SHANK2: variants seen among roughly 807,000 people sequenced by gnomAD.
SHANK2 encodes SH3 and multiple ankyrin repeat domains protein 2.
Under a neutral mutation model 133.7 loss-of-function variants are expected in SHANK2, and 43 were observed. That is an observed-to-expected ratio of 0.32 (90% CI 0.25 to 0.41). The LOEUF (loss-of-function observed/expected upper bound fraction) is 0.41, where lower values mean the gene tolerates loss of function less well. SHANK2 is among the 10% of genes least tolerant of loss of function. SHANK2 has a pLI of 1.00. For missense variants in SHANK2, 1,994 were observed against 2,235.8 expected (o/e 0.89, Z 2.18); for synonymous variants, 1,017 against 952.8 (o/e 1.07, Z -1.24).
intron 8 of SHANK2, among the ~76,000 whole-genome samples, chr11:71,084,542 G>C (rs1247092233): frequency 6.6e-6 from 1 of 152,220 alleles, no homozygotes; most frequent in African/African-American, 2.4e-5. Context: ...CTGGGACAGG[G>C]CTGTCCATTC....
intron 14 of SHANK2, among the ~76,000 whole-genome samples, chr11:70,777,681 C>T (rs1229741953): frequency 6.6e-6 from 1 of 152,232 alleles, no homozygotes; most frequent in African/African-American, 2.4e-5. Flanking sequence ...CAATTGACCC[C>T]ACAAACAGGC....
intron 2 of SHANK2, among the ~76,000 whole-genome samples, chr11:71,148,033 C>A (rs1401382323): frequency 1.3e-5 from 2 of 151,708 alleles, no homozygotes; most frequent in Non-Finnish European, 2.9e-5. Flanking sequence ...AAAATTACCC[C>A]ACAAAGAGTC....
At chr11:71,193,083 A>G (rs1411246802) in intron 2 of SHANK2, among the ~76,000 whole-genome samples, 1 of 152,198 alleles carries the variant, frequency 6.6e-6, no homozygotes, top group Non-Finnish European at 1.5e-5. Context: ...CTTTATTGCC[A>G]TGTTAGATAC....
chr11:71,101,025 C>T (rs1555096557), intron 6 of SHANK2, among the ~76,000 whole-genome samples: 2 of 152,112 alleles, frequency 1.3e-5, no homozygotes, highest in African/African-American at 2.4e-5. Flanking sequence ...GGGTACAGGA[C>T]AAGATGCATC....
At chr11:70,625,955 C>T (rs1554999806) in intron 17 of SHANK2, among the ~76,000 whole-genome samples, 1 of 152,074 alleles carries the variant, frequency 6.6e-6, no homozygotes, top group African/African-American at 2.4e-5. Flanking sequence ...AGTATTAATC[C>T]TCTAAACCTG....
chr11:70,492,315 C>T lies in SHANK2; in HGVS notation c.2439+20G>A. 6.2e-7 allele frequency: 1 copy of T among 1,608,222 alleles called. No homozygotes were observed. The highest frequency in any genetic ancestry group is 8.5e-7 in the Non-Finnish European group (1 of 1,179,842). On this transcript the variant is annotated intron_variant, in intron 22 of 25. Coordinates refer to ENST00000601538, the MANE Select transcript of SHANK2 (RefSeq NM_012309.5). Reference sequence around the variant, plus strand: ...CACCGTCGGCCCCCGCCCTCGTGGTCCCAAGGTACGGCCACTCACGTTCAT... The same window carrying T: ...CACCGTCGGCCCCCGCCCTCGTGGTTCCAAGGTACGGCCACTCACGTTCAT...
At chr11:70,618,641 C>T (rs868925901) in intron 17 of SHANK2, among the ~76,000 whole-genome samples, 11 of 152,236 alleles carry the variant, frequency 7.2e-5, no homozygotes, top group Admixed American at 3.3e-4. Flanking sequence ...CTTGTGAATA[C>T]GGTAATCCAG....
chr11:70,796,042 C>A (rs995270936), intron 14 of SHANK2, among the ~76,000 whole-genome samples: 3 of 152,200 alleles, frequency 2.0e-5, no homozygotes, highest in African/African-American at 4.8e-5. Context: ...AAATAACCTC[C>A]TCCCACAGTA....
intron 10 of SHANK2, among the ~76,000 whole-genome samples, chr11:70,912,692 T>G (rs906344296): frequency 6.6e-6 from 1 of 152,230 alleles, no homozygotes; most frequent in Non-Finnish European, 1.5e-5. Context: ...GGGGCGCTCC[T>G]GCAAGAAACG....
Position 70,488,139 on chromosome 11 carries a change from G to A in SHANK2, c.2573-419C>T, listed in dbSNP as rs1012177501. On this transcript the variant is annotated intron_variant, in intron 24 of 25. Transcript: ENST00000601538. Reference sequence around the variant, plus strand: ...GGCATTGTGGCATTGTGCTTGGGGCGGGGTTGGCTAGACCAGGAGGTATCC... The same window carrying A: ...GGCATTGTGGCATTGTGCTTGGGGCAGGGTTGGCTAGACCAGGAGGTATCC... 6.6e-5 allele frequency among the ~76,000 whole-genome samples: 10 copies of A among 152,340 alleles called. No individual in the cohort carries two copies. In the South Asian group the frequency reaches 1.7e-3, roughly 25 times the overall value.
chr11:70,799,308 A>G (rs1555049974), intron 13 of SHANK2, among the ~76,000 whole-genome samples: 1 of 152,166 alleles, frequency 6.6e-6, no homozygotes, highest in African/African-American at 2.4e-5. Flanking sequence ...AGGCTGAGGC[A>G]GGAGAATCAC....
chr11:70,885,574 C>A (rs1949726048), intron 11 of SHANK2, among the ~76,000 whole-genome samples: 1 of 152,198 alleles, frequency 6.6e-6, no homozygotes, highest in African/African-American at 2.4e-5. Flanking sequence ...AGGGGCTGCG[C>A]AGGAGGCATG....
intron 14 of SHANK2, among the ~76,000 whole-genome samples, chr11:70,729,911 A>T (rs1946250927): frequency 1.3e-5 from 2 of 151,700 alleles, no homozygotes; most frequent in South Asian, 4.2e-4. Context: ...AAAAAAAAAA[A>T]AAAAAAGCCG....
intron 17 of SHANK2, among the ~76,000 whole-genome samples, chr11:70,608,286 C>G (rs190521030): frequency 1.6e-4 from 24 of 152,328 alleles, no homozygotes; most frequent in African/African-American, 5.5e-4. Context: ...AGGGATATTT[C>G]TTTCCTCTTT....
intron 3 of SHANK2, among the ~76,000 whole-genome samples, chr11:71,126,200 G>C (rs1952181384): frequency 9.0e-6 from 1 of 110,992 alleles, no homozygotes; most frequent in Non-Finnish European, 1.7e-5. Context: ...CCTGGTGACA[G>C]AGTGAGACTC....
At chr11:71,193,568 G>A (rs192375836) in intron 2 of SHANK2, among the ~76,000 whole-genome samples, 3 of 152,272 alleles carry the variant, frequency 2.0e-5, no homozygotes, top group East Asian at 1.9e-4. Context: ...GGGTACTGGC[G>A]TGACTGTTAG....
At chr11:70,577,037 G>A (rs1176847280) in intron 17 of SHANK2, among the ~76,000 whole-genome samples, 1 of 152,142 alleles carries the variant, frequency 6.6e-6, no homozygotes, top group Non-Finnish European at 1.5e-5. Context: ...TGCCACGGAG[G>A]CCACGCCGCT....
At chr11:70,770,887 C>T (rs989525474) in intron 14 of SHANK2, among the ~76,000 whole-genome samples, 18 of 148,586 alleles carry the variant, frequency 1.2e-4, no homozygotes, top group African/African-American at 3.9e-4. Context: ...AGAGATCCCT[C>T]CTTCTCTCCT....
At position 70,569,597 on chromosome 11, in the gene SHANK2, C is replaced by T. The variant is rs2060017887; in HGVS notation, c.2062-66666G>A. Among the ~76,000 whole-genome samples the T allele has an allele frequency of 6.6e-6, 1 of 152,214 alleles. No homozygotes were observed. The highest frequency in any genetic ancestry group is 2.1e-4 in the South Asian group (1 of 4,820). Reference sequence around the variant, plus strand: ...TGGCCCCTCCCCACGTGGAGGATACCGAGGAGGTTAGGACAGCCCTCGGGC... The same window carrying T: ...TGGCCCCTCCCCACGTGGAGGATACTGAGGAGGTTAGGACAGCCCTCGGGC... On this transcript the variant is annotated intron_variant, in intron 17 of 25. Coordinates refer to ENST00000601538, the MANE Select transcript of SHANK2 (RefSeq NM_012309.5). The surrounding 1 kb of genome is among the most constrained non-coding windows in gnomAD (Gnocchi z 5.1).
Sources: allele counts gnomAD v4.1 joint callset (sites outside exome capture counted in the v4.1 genomes callset), GRCh38; gene constraint gnomAD v4.1.1; non-coding constraint Gnocchi (gnomAD v3.1); transcripts MANE v1.5; gene names NCBI Gene and HGNC (gene_info 2026-07-23, HGNC 2026-07-21).